The following CGNL1 variants were observed in gnomAD, a reference collection of about 807,000 sequenced individuals.
The protein encoded by CGNL1 is cingulin-like protein 1.
Under a neutral mutation model 141.2 loss-of-function variants are expected in CGNL1, and 132 were observed. The ratio of observed to expected loss-of-function variants is 0.93; its 90% CI spans 0.81 to 1.08. The LOEUF (loss-of-function observed/expected upper bound fraction) is 1.08, where lower values mean the gene tolerates loss of function less well. CGNL1 is among the 50% of genes least tolerant of loss of function. CGNL1 has a pLI of 0.00. For missense variants in CGNL1, 1,870 were observed against 1,588.6 expected (o/e 1.18, Z -3.01); for synonymous variants, 690 against 622.1 (o/e 1.11, Z -1.63).
At chr15:57,421,929 T>C (rs894480437) in intron 1 of CGNL1, among the ~76,000 whole-genome samples, 1 of 152,136 alleles carries the variant, frequency 6.6e-6, no homozygotes, top group African/African-American at 2.4e-5. Flanking sequence ...ATGCTGATTG[T>C]GAGTTTTTAA....
chr15:57,524,697 G>C lies in CGNL1; in HGVS notation c.2985G>C (p.Glu995Asp). The C allele has an allele frequency of 6.2e-7, 1 of 1,614,244 alleles. No individual in the cohort carries two copies. The highest frequency in any genetic ancestry group is 8.5e-7 in the Non-Finnish European group (1 of 1,180,046). ...CAGAAATGCAAAGACAGTTGAAGGAGAAAACGCTGGAGGCAGAAAAGTCCC... is the reference window on the plus strand; with the variant it reads ...CAGAAATGCAAAGACAGTTGAAGGACAAAACGCTGGAGGCAGAAAAGTCCC... ...ELAEMQRQLK[E>D]KTLEAEKSRL... Residue 995 changes from glutamate (E) to aspartate (D), a missense_variant, in exon 12 of 19, where the codon GAG becomes GAC. Coordinates refer to ENST00000281282, the MANE Select transcript of CGNL1 (RefSeq NM_032866.5).
rs142876335 is a variant in CGNL1, at chr15:57,488,036, C to A, written c.2403+26144C>A. On this transcript the variant is annotated intron_variant, in intron 8 of 18. Coordinates refer to ENST00000281282, the MANE Select transcript of CGNL1 (RefSeq NM_032866.5). ...TCCCCTAGTAATGCCTGAGGGTCTTCATTTCTCCACATCCTCTCCCACACT... is the reference window on the plus strand; with the variant it reads ...TCCCCTAGTAATGCCTGAGGGTCTTAATTTCTCCACATCCTCTCCCACACT... Among the ~76,000 whole-genome samples, 134 of 152,284 alleles carry A rather than the reference C, an allele frequency of 8.8e-4. 2 individuals carry two copies. In the East Asian group the frequency reaches 0.024, roughly 27 times the overall value.
intron 1 of CGNL1, among the ~76,000 whole-genome samples, chr15:57,383,618 TTTCTTTTCTTTTC>T (rs1463299942): frequency 0.043 from 3,298 of 75,828 alleles, 344 homozygotes; most frequent in African/African-American, 0.22. Flanking sequence ...TTTCTTTTCT[TTTCTTTTCTTTTC>T]TTTTTTTTTT....
At chr15:57,496,306 G>T (rs1021025046) in intron 8 of CGNL1, among the ~76,000 whole-genome samples, 15 of 152,132 alleles carry the variant, frequency 9.9e-5, no homozygotes, top group African/African-American at 3.6e-4. Flanking sequence ...TGATATTTGG[G>T]TTGAGCCCTG....
chr15:57,515,694 TCAACA>T (rs2030718429), intron 8 of CGNL1, among the ~76,000 whole-genome samples: 1 of 152,180 alleles, frequency 6.6e-6, no homozygotes, highest in Non-Finnish European at 1.5e-5. Flanking sequence ...ACCTCTGGAA[TCAACA>T]ATAACCACCC....
intron 8 of CGNL1, among the ~76,000 whole-genome samples, chr15:57,510,478 G>A (rs1049478656): frequency 6.6e-6 from 1 of 152,210 alleles, no homozygotes; most frequent in African/African-American, 2.4e-5. Flanking sequence ...ATTTATGTCT[G>A]TGTTAGGATG....
At chr15:57,487,446 T>C (rs1414026249) in intron 8 of CGNL1, among the ~76,000 whole-genome samples, 2 of 152,212 alleles carry the variant, frequency 1.3e-5, no homozygotes, top group Non-Finnish European at 2.9e-5. Flanking sequence ...ATTTGGCCAG[T>C]ACTGACATAC....
At chr15:57,534,208 C>A (rs553475223) in intron 14 of CGNL1, among the ~76,000 whole-genome samples, 1 of 152,216 alleles carries the variant, frequency 6.6e-6, no homozygotes, top group Non-Finnish European at 1.5e-5. Context: ...AACCTCTTTC[C>A]CTACCAGCTC....
chr15:57,519,536 C>T (rs1333706870), intron 10 of CGNL1, among the ~76,000 whole-genome samples: 6 of 152,160 alleles, frequency 3.9e-5, no homozygotes, highest in African/African-American at 7.2e-5. Flanking sequence ...GGACAAAACT[C>T]GTGTTTGCGT....
In CGNL1 at chr15:57,439,241, A is replaced by G; in HGVS notation, c.1242A>G (p.Ser414=). 1 of 1,614,138 alleles carries G rather than the reference A, an allele frequency of 6.2e-7. No homozygotes were observed. Among genetic ancestry groups the G allele is most frequent in the South Asian group, 1.1e-5 (1 of 91,078 alleles). Residue 414 remains serine, a synonymous_variant, in exon 2 of 19, where the codon TCA becomes TCG. Coordinates refer to ENST00000281282, the MANE Select transcript of CGNL1 (RefSeq NM_032866.5). ...LIEFSRNLGK[S]SEHLLRPSQV... ...AATTCAGTAGGAACTTGGGCAAGTC[A>G]AGCGAACACCTCCTCCGGCCTTCCC...
intron 8 of CGNL1, among the ~76,000 whole-genome samples, chr15:57,491,666 A>G (rs1167561922): frequency 6.6e-6 from 1 of 152,224 alleles, no homozygotes; most frequent in Non-Finnish European, 1.5e-5. Flanking sequence ...CGGGATAATG[A>G]TGCCCATGAT....
At chr15:57,521,996 T>C (rs1338421435) in intron 10 of CGNL1, among the ~76,000 whole-genome samples, 2 of 152,182 alleles carry the variant, frequency 1.3e-5, no homozygotes, top group Admixed American at 1.3e-4. Context: ...ACTGGTTCTA[T>C]AACTCCTCCT....
At chr15:57,401,283 A>T (rs1302645816) in intron 1 of CGNL1, among the ~76,000 whole-genome samples, 1 of 152,204 alleles carries the variant, frequency 6.6e-6, no homozygotes, top group Non-Finnish European at 1.5e-5. Context: ...AAGTGTTTGT[A>T]TAATTCTTCT....
At chr15:57,472,940 TG>T (rs1254889880) in intron 8 of CGNL1, among the ~76,000 whole-genome samples, 1 of 152,196 alleles carries the variant, frequency 6.6e-6, no homozygotes, top group African/African-American at 2.4e-5. Context: ...AGTAACGTAG[TG>T]GGGTGCTTGC....
chr15:57,545,090 C>G (rs1056094581), intron 16 of CGNL1, among the ~76,000 whole-genome samples: 4 of 152,308 alleles, frequency 2.6e-5, no homozygotes, highest in African/African-American at 9.6e-5. Flanking sequence ...CAACTCAGTT[C>G]TCTGCAGCTA....
chr15:57,435,693 A>G (rs1393545696), intron 1 of CGNL1, among the ~76,000 whole-genome samples: 1 of 152,138 alleles, frequency 6.6e-6, no homozygotes, highest in African/African-American at 2.4e-5. Context: ...AGCAAAACTG[A>G]CAACACTATG....
At position 57,438,368 on chromosome 15, in the gene CGNL1, T is replaced by G; in HGVS notation, c.369T>G (p.His123Gln). The G allele has an allele frequency of 1.2e-6, 2 of 1,614,124 alleles. No individual in the cohort carries two copies. The highest frequency in any genetic ancestry group is 2.7e-5 in the African/African-American group (2 of 75,042). ...PIRNLKQPLL[H>Q]EGKNGVLDRK... ...GAAACCTGAAACAGCCCCTGCTCCA[T>G]GAGGGCAAGAATGGAGTTCTAGATC... is the stretch of plus-strand genomic sequence containing the variant. Residue 123 changes from histidine (H) to glutamine (Q), a missense_variant, in exon 2 of 19, where the codon CAT becomes CAG. Coordinates refer to ENST00000281282, the MANE Select transcript of CGNL1 (RefSeq NM_032866.5).
intron 8 of CGNL1, among the ~76,000 whole-genome samples, chr15:57,505,313 TC>T (rs1877455196): frequency 6.6e-6 from 1 of 152,202 alleles, no homozygotes; most frequent in Non-Finnish European, 1.5e-5. Flanking sequence ...AGTGAATGGA[TC>T]CGTAACGCCA....
At chr15:57,545,570 G>A in intron 16 of CGNL1, 22 bp from the exon 17 acceptor site, 14 of 1,602,634 alleles carry the variant, frequency 8.7e-6, no homozygotes, top group Non-Finnish European at 1.2e-5. Flanking sequence ...GAGGGTTCTT[G>A]GTTCTGTCTC....
Sources: allele counts gnomAD v4.1 joint callset (sites outside exome capture counted in the v4.1 genomes callset), GRCh38; gene constraint gnomAD v4.1.1; transcripts MANE v1.5; gene names NCBI Gene and HGNC (gene_info 2026-07-23, HGNC 2026-07-21).